The following FANCA variants were observed in gnomAD, a reference collection of about 807,000 sequenced individuals.
FANCA encodes the protein FA complementation group A.
FANCA carries 236 observed loss-of-function variants against 194.3 expected under a neutral mutation model. The ratio of observed to expected loss-of-function variants is 1.21; its 90% CI spans 1.09 to 1.35. The LOEUF (loss-of-function observed/expected upper bound fraction) is 1.35. FANCA is among the 40% of genes most tolerant of loss of function. The probability of loss-of-function intolerance (pLI) is 0.00; values close to 1 mark genes in which losing one functional copy is unlikely to be tolerated. For synonymous variants in FANCA, 1,014 were observed against 715.8 expected, an observed-to-expected ratio of 1.42 and a Z score of -6.65; for missense variants, 2,628 against 1,813.9, an observed-to-expected ratio of 1.45 and a Z score of -8.15.
At chr16:89,806,592 A>G (rs1037502235) in intron 6 of FANCA, among the ~76,000 whole-genome samples, 10 of 151,992 alleles carry the variant, frequency 6.6e-5, no homozygotes, top group African/African-American at 1.4e-4. Flanking sequence ...TTAACAAAGC[A>G]TATCTTGCAC....
rs1232044240 is a variant in FANCA at position 89,738,030 on chromosome 16, G to C, written c.*571C>G. ...AGCGGGCATCCCTCAAGTACCACAT[G>C]ACCAAACACAAGGCTGAGACTGAGC... On this transcript the variant is annotated 3_prime_UTR_variant, in exon 43 of 43. Transcript: ENST00000389301. The C allele has an allele frequency of 1.2e-6, 2 of 1,614,142 alleles. No individual in the cohort carries two copies. The highest frequency in any genetic ancestry group is 1.7e-6 in the Non-Finnish European group (2 of 1,180,054).
chr16:89,778,623 C>A, intron 20 of FANCA, among the ~76,000 whole-genome samples, 178 bp downstream of exon 20: 1 of 60,560 alleles, frequency 1.7e-5, no homozygotes, highest in Non-Finnish European at 3.0e-5. Flanking sequence ...AGTGAGACTC[C>A]AACTAAAAAA....
intron 33 of FANCA, 51 bp from the exon 34 acceptor site, chr16:89,746,941 G>C (rs764939126): frequency 2.0e-6 from 3 of 1,484,880 alleles, no homozygotes; most frequent in African/African-American, 2.8e-5. Context: ...AGAGAGGCGA[G>C]ACCAACATGC....
Position 89,771,730 on chromosome 16 carries a change from G to A in FANCA, c.2099C>T (p.Ser700Leu), listed in dbSNP as rs113436495. ...HNEDDSSVEISKIQLSINTPR... is the reference protein window; with the variant it reads ...HNEDDSSVEILKIQLSINTPR... ...CGTGTTGATGCTGAGCTGAATCTTT[G>A]ATATCTCAACGCTGCTGTCATCCTC... The change falls in exon 23 of 43, where the codon TCA (serine) becomes TTA (leucine). Residue 700 changes from serine to leucine, a missense_variant. By Grantham distance (145) the Ser-to-Leu change is moderately radical. Transcript: ENST00000389301. 11 of 1,614,122 alleles carry A rather than the reference G, an allele frequency of 6.8e-6. No homozygotes were observed. Among genetic ancestry groups the A allele is most frequent in the African/African-American group, 5.3e-5 (4 of 75,036 alleles).
intron 2 of FANCA, 97 bp downstream of exon 2, chr16:89,815,780 G>C: frequency 1.9e-6 from 2 of 1,032,734 alleles, no homozygotes; most frequent in Non-Finnish European, 3.1e-6. Flanking sequence ...CACCGCGCCC[G>C]CCGCCTCGGG....
chr16:89,784,019 CA>C (rs1567629828), intron 15 of FANCA, among the ~76,000 whole-genome samples: 1 of 152,002 alleles, frequency 6.6e-6, no homozygotes, highest in Non-Finnish European at 1.5e-5. Flanking sequence ...CCTCAGCCTC[CA>C]AAAGTGCTGG....
rs1177237189 is a variant in FANCA at position 89,773,269 on chromosome 16, A to C, written c.2014+2T>G. On this transcript the variant is annotated splice_donor_variant, in intron 22 of 42. Coordinates refer to ENST00000389301, the MANE Select transcript of FANCA (RefSeq NM_000135.4). LOFTEE classifies it high-confidence loss of function. ...ACAGCATGAGCTCCCATCCATCCTCACCATCACGCTGGCTGGGGTCTGTCA... is the reference window on the plus strand; with the variant it reads ...ACAGCATGAGCTCCCATCCATCCTCCCCATCACGCTGGCTGGGGTCTGTCA... 6.5e-7 allele frequency: 1 copy of C among 1,548,648 alleles called. No homozygotes were observed. Among genetic ancestry groups the C allele is most frequent in the East Asian group, 2.4e-5 (1 of 40,908 alleles).
intron 18 of FANCA, 49 bp downstream of exon 18, chr16:89,779,820 G>C: frequency 3.3e-6 from 5 of 1,512,608 alleles, no homozygotes; most frequent in Non-Finnish European, 4.6e-6. Context: ...TCAGAGCGCG[G>C]TCTGCACACA....
chr16:89,779,751 C>G, intron 18 of FANCA, 118 bp downstream of exon 18: 3 of 850,998 alleles, frequency 3.5e-6, no homozygotes, highest in Non-Finnish European at 3.9e-6. Context: ...TGGCAGGCAT[C>G]AGAGCGGAGT....
At chr16:89,739,311 C>T in intron 40 of FANCA, 22 bp from the exon 41 acceptor site, 1 of 1,614,016 alleles carries the variant, frequency 6.2e-7, no homozygotes, top group Admixed American at 1.7e-5. Flanking sequence ...GACATAGTGA[C>T]AAATGGCTAC....
intron 21 of FANCA, 148 bp from the exon 22 acceptor site, chr16:89,773,532 G>A (rs2039396544): frequency 4.7e-6 from 3 of 640,526 alleles, no homozygotes; most frequent in South Asian, 3.3e-5. Context: ...CTCTGAGGAG[G>A]TAAATGAGGT....
chr16:89,815,783 G>C (rs1387947440), intron 2 of FANCA, 94 bp downstream of exon 2: 1 of 1,057,970 alleles, frequency 9.5e-7, no homozygotes, highest in Non-Finnish European at 1.5e-6. Flanking sequence ...CGCGCCCGCC[G>C]CCTCGGGTGT....
chr16:89,796,440 A>G (rs984945706), intron 10 of FANCA, among the ~76,000 whole-genome samples: 5 of 152,184 alleles, frequency 3.3e-5, no homozygotes, highest in Admixed American at 3.3e-4. Flanking sequence ...AGAAGAGCCC[A>G]GCACACCAGG....
At chr16:89,774,813 G>C (rs1009258328) in intron 21 of FANCA, among the ~76,000 whole-genome samples, 2 of 150,664 alleles carry the variant, frequency 1.3e-5, no homozygotes, top group African/African-American at 4.9e-5. Context: ...CACACAAGGG[G>C]CTGGGTACGG....
At chr16:89,804,810 C>T (rs571626845) in intron 7 of FANCA, among the ~76,000 whole-genome samples, 4 of 152,080 alleles carry the variant, frequency 2.6e-5, no homozygotes, top group African/African-American at 9.6e-5. Flanking sequence ...GAGGGGGGTG[C>T]ATCACGAGGT....
At chr16:89,812,649 A>AAAAAAAAAAAAAAAAC (rs2040934815) in intron 3 of FANCA, among the ~76,000 whole-genome samples, 1 of 47,052 alleles carries the variant, frequency 2.1e-5, no homozygotes, top group Non-Finnish European at 3.3e-5. Context: ...TCCGTCTCAA[A>AAAAAAAAAAAAAAAAC]AAAAAAAAAA....
chr16:89,787,378 C>T lies in FANCA; in HGVS notation c.1360-2414G>A, dbSNP rs150079237. ...CTCTACTAAAAATACAAAAAATTAG[C>T]CGTGTGTGGTGGCAGGCGCCTGTAG... On this transcript the variant is annotated intron_variant, in intron 14 of 42. Transcript: ENST00000389301. 1.7e-3 allele frequency among the ~76,000 whole-genome samples: 252 copies of T among 152,186 alleles called. 1 individual carries two copies. Among genetic ancestry groups the T allele is most frequent in the African/African-American group, 5.4e-3 (224 of 41,526 alleles).
chr16:89,760,449 C>G (rs17233315), intron 29 of FANCA, among the ~76,000 whole-genome samples: 1 of 152,210 alleles, frequency 6.6e-6, no homozygotes, highest in Non-Finnish European at 1.5e-5. Flanking sequence ...GCCGGAAGGA[C>G]GAGGAGCACA....
chr16:89,795,764 C>G (rs2040223909), intron 11 of FANCA, 142 bp downstream of exon 11: 1 of 701,590 alleles, frequency 1.4e-6, no homozygotes. Flanking sequence ...TCTCAGGCAT[C>G]TGAGGACCCA....
Sources: gnomAD v4.1 joint callset for allele counts (sites outside exome capture counted in the v4.1 genomes callset) on GRCh38, gnomAD v4.1.1 for gene constraint, MANE v1.5 for transcripts, NCBI Gene and HGNC (gene_info 2026-07-23, HGNC 2026-07-21) for gene names.